The following SAMSN1 variants were observed in gnomAD, a reference collection of about 807,000 sequenced individuals.
SAMSN1 encodes the protein SAM domain-containing protein SAMSN-1.
In SAMSN1, 31 loss-of-function variants were observed where a neutral mutation model predicts 42.0. That is an observed-to-expected ratio of 0.74 (90% CI 0.55 to 1.00). SAMSN1 has a LOEUF of 1.00. Among genes scored for constraint, SAMSN1 ranks in the 50% least tolerant of loss-of-function variants. The pLI, the probability that SAMSN1 is intolerant of heterozygous loss-of-function variation, is 0.00. For missense variants in SAMSN1, 464 were observed against 439.4 expected (o/e 1.06, Z -0.50); for synonymous variants, 178 against 151.9 (o/e 1.17, Z -1.26).
rs924564701 is a variant in SAMSN1 at position 14,494,984 on chromosome 21, G to C, written c.919+3458C>G. On this transcript the variant is annotated intron_variant, in intron 7 of 7. Coordinates refer to ENST00000400566, the MANE Select transcript of SAMSN1 (RefSeq NM_022136.5). ...ACTTTTATATTGCATGATTAGCAAAGCAAATCCTTTTATGTTCTCAATCTA... is the reference window on the plus strand; with the variant it reads ...ACTTTTATATTGCATGATTAGCAAACCAAATCCTTTTATGTTCTCAATCTA... Among the ~76,000 whole-genome samples the C allele has an allele frequency of 2.0e-5, 3 of 152,114 alleles. 1 individual carries two copies. The highest frequency in any genetic ancestry group is 3.9e-4 in the East Asian group (2 of 5,192).
At chr21:14,512,964 T>C (rs560081743) in intron 3 of SAMSN1, among the ~76,000 whole-genome samples, 4 of 152,240 alleles carry the variant, frequency 2.6e-5, no homozygotes, top group Non-Finnish European at 5.9e-5. Context: ...CATTGAGATC[T>C]GATCCTACAA....
chr21:14,615,943 G>C (rs1247070100), intron 3 of SAMSN1: 5 of 550,960 alleles, frequency 9.1e-6, no homozygotes, highest in East Asian at 3.0e-5. Context: ...AGAACTAAGG[G>C]AACATGAAGT....
chr21:14,643,008 G>A (rs1207436062), exon 2 of SAMSN1: 1 of 717,148 alleles, frequency 1.4e-6, no homozygotes, highest in Admixed American at 2.0e-5. Flanking sequence ...TCACCACGAA[G>A]AGATTGTTTG....
intron 1 of SAMSN1, among the ~76,000 whole-genome samples, chr21:14,648,866 T>A (rs1983771050): frequency 6.6e-6 from 1 of 151,934 alleles, no homozygotes; most frequent in African/African-American, 2.4e-5. Flanking sequence ...GTGTGGTGAT[T>A]CCTCAGGGAT....
chr21:14,587,631 T>G, upstream of SAMSN1, among the ~76,000 whole-genome samples: 1 of 152,200 alleles, frequency 6.6e-6, no homozygotes. Flanking sequence ...TTAATATCAC[T>G]TATATGCTAA....
At chr21:14,591,781 C>T (rs1331022048) in intron 7 of SAMSN1, 2 of 152,094 alleles carry the variant, frequency 1.3e-5, no homozygotes, top group Non-Finnish European at 2.9e-5. Flanking sequence ...CACTAAAACC[C>T]TTTCAAGTCC....
chr21:14,549,998 T>G (rs1402658685), upstream of SAMSN1, among the ~76,000 whole-genome samples: 3 of 152,134 alleles, frequency 2.0e-5, no homozygotes, highest in Non-Finnish European at 4.4e-5. Flanking sequence ...TGACGTTCTC[T>G]GCAATTCTGT....
chr21:14,609,343 C>G, intron 5 of SAMSN1: 1 of 616,370 alleles, frequency 1.6e-6, no homozygotes, highest in Non-Finnish European at 2.9e-6. Flanking sequence ...ATATTCTATT[C>G]TATCTTATTT....
chr21:14,510,525 A>C, intron 4 of SAMSN1, 64 bp from the exon 5 acceptor site: 1 of 1,569,700 alleles, frequency 6.4e-7, no homozygotes, highest in Non-Finnish European at 8.8e-7. Flanking sequence ...CATCATCTGG[A>C]CACAACTAAG....
chr21:14,622,319 T>C (rs984654823), intron 2 of SAMSN1, among the ~76,000 whole-genome samples: 10 of 152,082 alleles, frequency 6.6e-5, no homozygotes, highest in Non-Finnish European at 1.5e-4. Context: ...TGATCAAACT[T>C]CTCCGAGCTA....
chr21:14,570,523 A>G (rs1316541196), intron 2 of SAMSN1, among the ~76,000 whole-genome samples: 1 of 152,178 alleles, frequency 6.6e-6, no homozygotes, highest in Non-Finnish European at 1.5e-5. Flanking sequence ...CAGTCGTGTC[A>G]TTGTATCACT....
chr21:14,623,297 AT>A lies in SAMSN1; in HGVS notation c.157-7282del, dbSNP rs1232158648. 2.0e-5 allele frequency among the ~76,000 whole-genome samples: 3 copies of A among 152,234 alleles called. No individual in the cohort carries two copies. The East Asian group carries it at 5.8e-4, about 29-fold the overall frequency. Reference sequence around the variant, plus strand: ...TTAACCTTAAATGTAAATGGGTTAAATGCTCCAATTAAAAGACACAGACTGG... The same window carrying A: ...TTAACCTTAAATGTAAATGGGTTAAAGCTCCAATTAAAAGACACAGACTGG... On this transcript the variant is annotated intron_variant, in intron 2 of 15. Coordinates refer to the SAMSN1 transcript ENST00000647101.
chr21:14,650,162 A>C (rs1161072894), intron 1 of SAMSN1, among the ~76,000 whole-genome samples: 7 of 152,172 alleles, frequency 4.6e-5, no homozygotes, highest in African/African-American at 1.4e-4. Context: ...AAGAAACATC[A>C]GACTGAATCT....
intron 1 of SAMSN1, among the ~76,000 whole-genome samples, chr21:14,537,309 T>C (rs1370219312): frequency 1.3e-5 from 2 of 152,196 alleles, no homozygotes; most frequent in Non-Finnish European, 2.9e-5. Flanking sequence ...CCAGTCCTTT[T>C]TCCAATGTCC....
upstream of SAMSN1, among the ~76,000 whole-genome samples, chr21:14,548,370 C>G (rs1980496886): frequency 6.6e-6 from 1 of 152,008 alleles, no homozygotes; most frequent in African/African-American, 2.4e-5. Context: ...TGAGGTGGTG[C>G]TTGCTATAGG....
intron 6 of SAMSN1, chr21:14,594,214 C>T: frequency 3.4e-6 from 2 of 588,978 alleles, no homozygotes; most frequent in Admixed American, 3.0e-5. Context: ...ATCTTGTTAT[C>T]AAAGTACACT....
chr21:14,555,435 A>T (rs925815273), intron 2 of SAMSN1, among the ~76,000 whole-genome samples: 4 of 152,152 alleles, frequency 2.6e-5, no homozygotes, highest in Non-Finnish European at 4.4e-5. Flanking sequence ...ACATTTGGAC[A>T]TATTTATCTT....
rs185866641 is a variant in SAMSN1 at position 14,506,226 on chromosome 21, G to C, written c.561+4084C>G. 4.0e-4 allele frequency among the ~76,000 whole-genome samples: 61 copies of C among 152,162 alleles called. No individual in the cohort carries two copies. In the East Asian group the frequency reaches 0.011, roughly 26 times the overall value. On this transcript the variant is annotated intron_variant, in intron 5 of 7. Transcript: ENST00000400566. ...AGAAGAAAGGAAATAACCAAGGTCAGAGCAGAATTAAATAAAATTGAAACA... is the reference window on the plus strand; with the variant it reads ...AGAAGAAAGGAAATAACCAAGGTCACAGCAGAATTAAATAAAATTGAAACA...
intron 5 of SAMSN1, chr21:14,602,244 A>T (rs897267210): frequency 8.7e-6 from 3 of 343,546 alleles, no homozygotes; most frequent in African/African-American, 6.4e-5. Flanking sequence ...TGTTAAATAT[A>T]TGCTATTTTT....
Sources: allele counts gnomAD v4.1 joint callset (sites outside exome capture counted in the v4.1 genomes callset), GRCh38; gene constraint gnomAD v4.1.1; transcripts MANE v1.5; gene names NCBI Gene and HGNC (gene_info 2026-07-23, HGNC 2026-07-21).